The following RIMS4 variants were observed in gnomAD, a reference collection of about 807,000 sequenced individuals.
RIMS4 encodes the protein regulating synaptic membrane exocytosis protein 4.
Under a neutral mutation model 29.0 loss-of-function variants are expected in RIMS4, and 9 were observed. The ratio of observed to expected loss-of-function variants is 0.31; its 90% confidence interval spans 0.19 to 0.54. The LOEUF is 0.54. Ranked by LOEUF, RIMS4 falls within the 20% of genes least tolerant of loss-of-function variation. The pLI, the probability that RIMS4 is intolerant of heterozygous loss-of-function variation, is 0.94. For missense variants in RIMS4, 193 were observed against 365.7 expected, an observed-to-expected ratio of 0.53 and a Z score of 3.85; for synonymous variants, 130 against 152.9, an observed-to-expected ratio of 0.85 and a Z score of 1.10.
chr20:44,757,999 GGGAGAGACGCT>G, intron 3 of RIMS4, 62 bp downstream of exon 3: 1 of 1,161,702 alleles, frequency 8.6e-7, no homozygotes, highest in African/African-American at 1.5e-5. Context: ...AGGGGAAGGA[GGGAGAGACGCT>G]GAGCTTCTGG....
intron 1 of RIMS4, among the ~76,000 whole-genome samples, chr20:44,809,537 G>A (rs142538236): frequency 3.9e-5 from 6 of 152,038 alleles, no homozygotes; most frequent in African/African-American, 1.4e-4. Context: ...TAGAGTTGGC[G>A]CCGCCCTACA....
intron 1 of RIMS4, among the ~76,000 whole-genome samples, chr20:44,805,152 G>A (rs935044815): frequency 6.6e-6 from 1 of 151,584 alleles, no homozygotes; most frequent in African/African-American, 2.4e-5. Flanking sequence ...AAAAAAAAAA[G>A]AAAATTAGCC....
chr20:44,798,168 G>A (rs2066262727), intron 1 of RIMS4, among the ~76,000 whole-genome samples: 1 of 152,214 alleles, frequency 6.6e-6, no homozygotes, highest in Non-Finnish European at 1.5e-5. Flanking sequence ...TCTGCAAGGT[G>A]CAAAGTAGAA....
intron 1 of RIMS4, among the ~76,000 whole-genome samples, chr20:44,794,552 T>C (rs1049479049): frequency 7.2e-5 from 11 of 152,240 alleles, no homozygotes; most frequent in African/African-American, 2.7e-4. Context: ...AAAGCCGGCA[T>C]TTTAAATTTG....
At chr20:44,794,528 C>T (rs984926692) in intron 1 of RIMS4, among the ~76,000 whole-genome samples, 4 of 152,190 alleles carry the variant, frequency 2.6e-5, no homozygotes, top group South Asian at 2.1e-4. Flanking sequence ...CAAAGAGCTT[C>T]GTTCCAGAAA....
At chr20:44,770,933 T>C (rs2066134549) in intron 2 of RIMS4, among the ~76,000 whole-genome samples, 1 of 152,232 alleles carries the variant, frequency 6.6e-6, no homozygotes, top group Admixed American at 6.5e-5. Flanking sequence ...CCCTGCATTA[T>C]ATGGATTGTA....
At chr20:44,807,126 C>T (rs985319612) in intron 1 of RIMS4, among the ~76,000 whole-genome samples, 1 of 152,176 alleles carries the variant, frequency 6.6e-6, no homozygotes, top group Non-Finnish European at 1.5e-5. Flanking sequence ...TCCCTAAAGC[C>T]CCAGCATCCT....
chr20:44,799,362 C>A (rs1389500551), intron 1 of RIMS4, among the ~76,000 whole-genome samples: 2 of 152,050 alleles, frequency 1.3e-5, no homozygotes, highest in East Asian at 3.9e-4. Flanking sequence ...CAGGGCCCAG[C>A]TGCCCAGTTT....
chr20:44,772,518 C>T (rs1183665184), intron 1 of RIMS4, among the ~76,000 whole-genome samples: 1 of 152,160 alleles, frequency 6.6e-6, no homozygotes, highest in Non-Finnish European at 1.5e-5. Flanking sequence ...CTGTTCACCC[C>T]CATCCAGTAC....
chr20:44,761,892 G>T (rs921905642), intron 2 of RIMS4, among the ~76,000 whole-genome samples: 2 of 152,184 alleles, frequency 1.3e-5, no homozygotes, highest in Non-Finnish European at 2.9e-5. Context: ...AGTGTCTGGG[G>T]ACTGAAAGGT....
chr20:44,795,054 A>G (rs549533922), intron 1 of RIMS4, among the ~76,000 whole-genome samples: 1 of 151,574 alleles, frequency 6.6e-6, no homozygotes, highest in East Asian at 1.9e-4. Flanking sequence ...CCAACAACAT[A>G]CCCCTTTCCC....
At chr20:44,792,767 C>T (rs1231990779) in intron 1 of RIMS4, among the ~76,000 whole-genome samples, 1 of 152,164 alleles carries the variant, frequency 6.6e-6, no homozygotes, top group Non-Finnish European at 1.5e-5. Context: ...ATAAATATTA[C>T]TATCATAATG....
chr20:44,763,409 T>G (rs1312458026), intron 2 of RIMS4, among the ~76,000 whole-genome samples: 2 of 152,280 alleles, frequency 1.3e-5, no homozygotes, highest in African/African-American at 4.8e-5. Flanking sequence ...CTGCTGGGCC[T>G]GCTGCCTGGC....
intron 1 of RIMS4, among the ~76,000 whole-genome samples, chr20:44,790,155 TG>T (rs1379338396): frequency 6.6e-6 from 1 of 152,206 alleles, no homozygotes; most frequent in Non-Finnish European, 1.5e-5. Context: ...TGGTCTGGGT[TG>T]GGGATCAGGA....
intron 1 of RIMS4, among the ~76,000 whole-genome samples, chr20:44,778,434 G>C (rs1267469438): frequency 1.3e-5 from 2 of 152,188 alleles, no homozygotes. Flanking sequence ...CCAACACTTT[G>C]GGAGGCCAAG....
chr20:44,756,368 C>A lies in RIMS4; in HGVS notation c.592-16G>T, dbSNP rs761959636. On this transcript the variant is annotated splice_polypyrimidine_tract_variant and intron_variant, in intron 5 of 5. Coordinates refer to ENST00000372851, the MANE Select transcript of RIMS4 (RefSeq NM_182970.4). This position sits in a 1 kb window ranked among gnomAD's most constrained non-coding sequence, Gnocchi z 5.9. ...ACACGATCACCTGTGGGGCAAGAGA[C>A]ACAGTGGTTCAAATCCTGCCAGTGC... 2.5e-6 allele frequency: 4 copies of A among 1,607,496 alleles called. No individual in the cohort carries two copies. Among genetic ancestry groups the A allele is most frequent in the Non-Finnish European group, 3.4e-6 (4 of 1,176,276 alleles).
intron 1 of RIMS4, among the ~76,000 whole-genome samples, chr20:44,795,201 C>T (rs547007099): frequency 9.2e-5 from 14 of 152,322 alleles, no homozygotes; most frequent in Admixed American, 7.8e-4. Flanking sequence ...GTCCTCTCAC[C>T]CCTACCCTGT....
intron 1 of RIMS4, among the ~76,000 whole-genome samples, chr20:44,788,577 A>G (rs2066219048): frequency 1.3e-5 from 2 of 152,264 alleles, no homozygotes; most frequent in African/African-American, 4.8e-5. Flanking sequence ...GTTCGAGACC[A>G]GCCTGGGCAA....
Position 44,810,442 on chromosome 20 carries a change from G to A in RIMS4, c.-171C>T, listed in dbSNP as rs1399698530. On this transcript the variant is annotated 5_prime_UTR_variant, in exon 1 of 6. Coordinates refer to ENST00000372851, the MANE Select transcript of RIMS4 (RefSeq NM_182970.4). ...GGCTGGCGGGCGCGGCGGGGCCGGC[G>A]GGCGGGCCAGGAGCTGGCGGCGCGC... is the stretch of plus-strand genomic sequence containing the variant. 2 of 146,210 alleles carry A rather than the reference G, an allele frequency of 1.4e-5. No homozygotes were observed. Among genetic ancestry groups the A allele is most frequent in the African/African-American group, 5.0e-5 (2 of 40,294 alleles). The allele number at this position is 146,210 out of a possible 1,614,324, so 9.1% of individuals were successfully genotyped here.
Sources: gnomAD v4.1 joint callset for allele counts (sites outside exome capture counted in the v4.1 genomes callset) on GRCh38, gnomAD v4.1.1 for gene constraint, Gnocchi (gnomAD v3.1) non-coding constraint, MANE v1.5 for transcripts, NCBI Gene and HGNC (gene_info 2026-07-23, HGNC 2026-07-21) for gene names.